Variants in MYO3A observed in about 807,000 individuals in gnomAD.
MYO3A encodes myosin-IIIa.
Under a neutral mutation model 192.7 loss-of-function variants are expected in MYO3A, and 180 were observed. The ratio of observed to expected loss-of-function variants is 0.93; its 90% CI spans 0.83 to 1.06. The LOEUF is 1.06. Among genes scored for constraint, MYO3A ranks in the 50% least tolerant of loss-of-function variants. The pLI, the probability that MYO3A is intolerant of heterozygous loss-of-function variation, is 0.00. For synonymous variants in MYO3A, 628 were observed against 645.3 expected (o/e 0.97, Z 0.41); for missense variants, 1,896 against 1,905.0 (o/e 1.00, Z 0.09).
Position 26,203,029 on chromosome 10 carries a change from C to CA in MYO3A, c.4655dup (p.Glu1553GlyfsTer3). 6.2e-7 allele frequency: 1 copy of CA among 1,613,620 alleles called. No homozygotes were observed. On this transcript the variant is annotated frameshift_variant, in exon 34 of 35. Transcript: ENST00000642920. LOFTEE classifies it high-confidence loss of function. ...GAATTTTTGCCCAGTCGTTCTGGAC[C>CA]AAAGGAACATAGCCCTAGTTTAAGA... is the stretch of plus-strand genomic sequence containing the variant.
intron 9 of MYO3A, among the ~76,000 whole-genome samples, chr10:26,024,716 T>C (rs1317628817): frequency 1.3e-5 from 2 of 152,210 alleles, no homozygotes; most frequent in African/African-American, 4.8e-5. Context: ...ATTTCTCCTT[T>C]GCTTATGGAG....
chr10:26,153,917 C>A lies in MYO3A; in HGVS notation c.2703C>A (p.Ile901=), dbSNP rs201429267. The change falls in exon 24 of 35, where the codon ATC becomes ATA. Residue 901 remains isoleucine, a synonymous_variant. Coordinates refer to ENST00000642920, the MANE Select transcript of MYO3A (RefSeq NM_017433.5). The part of the protein sequence containing the change: ...NYQMRTSEKL[I]NLAKGDTGEA... ...AAATGAGGACTTCAGAAAAATTAAT[C>A]AACCTGGCAAAGGTAAGAAAATGCT... The A allele has an allele frequency of 4.3e-5, 68 of 1,590,894 alleles. No individual in the cohort carries two copies. The highest frequency in any genetic ancestry group is 5.7e-5 in the Non-Finnish European group (66 of 1,159,350).
chr10:25,966,862 C>T (rs561431231), intron 4 of MYO3A, among the ~76,000 whole-genome samples: 42 of 152,166 alleles, frequency 2.8e-4, no homozygotes, highest in South Asian at 6.2e-4. Context: ...CCATAAACAA[C>T]GAGAAAGCTA....
intron 10 of MYO3A, among the ~76,000 whole-genome samples, chr10:26,030,382 G>A (rs1489145976): frequency 6.6e-6 from 1 of 152,058 alleles, no homozygotes; most frequent in African/African-American, 2.4e-5. Flanking sequence ...TTTGGAAGAG[G>A]TGGGAGTTGA....
At chr10:26,101,646 T>A (rs1837462281) in intron 17 of MYO3A, among the ~76,000 whole-genome samples, 1 of 152,206 alleles carries the variant, frequency 6.6e-6, no homozygotes. Flanking sequence ...TCTTTCTCCT[T>A]CACTTATGAA....
intron 6 of MYO3A, among the ~76,000 whole-genome samples, chr10:25,998,543 T>C (rs903193068): frequency 1.3e-5 from 2 of 152,066 alleles, no homozygotes; most frequent in Admixed American, 6.5e-5. Context: ...AGTGTACTAA[T>C]AAGGGCTTCT....
chr10:26,159,076 C>T (rs535510012), intron 26 of MYO3A, among the ~76,000 whole-genome samples: 47 of 147,788 alleles, frequency 3.2e-4, no homozygotes, highest in African/African-American at 1.2e-3. Context: ...GGCCGGATCT[C>T]GGCTCCTGGG....
At chr10:26,113,282 G>A (rs542855635) in intron 17 of MYO3A, among the ~76,000 whole-genome samples, 1 of 151,970 alleles carries the variant, frequency 6.6e-6, no homozygotes, top group Non-Finnish European at 1.5e-5. Context: ...ACCGGCCTGG[G>A]CAAACAGTGA....
chr10:26,151,346 T>C (rs182549099), intron 23 of MYO3A, among the ~76,000 whole-genome samples: 47 of 152,264 alleles, frequency 3.1e-4, no homozygotes, highest in African/African-American at 1.0e-3. Flanking sequence ...TCTTAAGCTA[T>C]ATTATTAGGT....
intron 6 of MYO3A, among the ~76,000 whole-genome samples, chr10:26,010,072 C>A (rs925349533): frequency 9.2e-5 from 14 of 152,122 alleles, no homozygotes; most frequent in African/African-American, 3.4e-4. Context: ...GTGCATAGTT[C>A]ATATGTCCAA....
chr10:25,945,238 GCA>G (rs549951632), intron 2 of MYO3A, among the ~76,000 whole-genome samples: 75 of 149,540 alleles, frequency 5.0e-4, no homozygotes, highest in African/African-American at 1.8e-3. Context: ...ATTTAGCATA[GCA>G]TGTTTTCAGT....
In MYO3A at chr10:26,021,475, A is replaced by G. The variant is rs41314631; in HGVS notation, c.586-28A>G. 0.082 allele frequency: 132,306 copies of G among 1,609,830 alleles called. 6,115 individuals are homozygous for G. Among genetic ancestry groups the G allele is most frequent in the Non-Finnish European group, 0.094 (111,125 of 1,176,084 alleles). ...CATGCTTGTTAAAGTCACAAATTTC[A>G]CCTTTTGATGGTGTGGTTTTCTACT... On this transcript the variant is annotated intron_variant, in intron 7 of 34. Coordinates refer to ENST00000642920, the MANE Select transcript of MYO3A (RefSeq NM_017433.5).
chr10:26,106,411 T>A (rs1025451829), intron 17 of MYO3A, among the ~76,000 whole-genome samples: 3 of 152,110 alleles, frequency 2.0e-5, no homozygotes, highest in African/African-American at 4.8e-5. Flanking sequence ...GAAATGAATT[T>A]TCCAATGGCA....
Position 26,174,007 on chromosome 10 carries a change from G to A in MYO3A, c.3743G>A (p.Arg1248Lys). The A allele has an allele frequency of 1.2e-6, 2 of 1,611,178 alleles. No individual in the cohort carries two copies. The highest frequency in any genetic ancestry group is 1.7e-5 in the Admixed American group (1 of 59,344). ...TACTATCAGAGGTACACAGAGGAGA[G>A]GAATTGTGAAGAGTCAAAAGCAGCA... is the stretch of plus-strand genomic sequence containing the variant. Reference protein sequence around the residue: ...QSYYQRYTEERNCEESKAAYL... With the variant: ...QSYYQRYTEEKNCEESKAAYL... The change falls in exon 30 of 35, where the codon AGG (arginine) becomes AAG (lysine). Residue 1248 changes from arginine to lysine, a missense_variant. Transcript: ENST00000642920.
At chr10:26,025,057 A>G (rs1842479188) in intron 9 of MYO3A, among the ~76,000 whole-genome samples, 1 of 152,218 alleles carries the variant, frequency 6.6e-6, no homozygotes, top group Non-Finnish European at 1.5e-5. Flanking sequence ...TTGCGTGAAT[A>G]AAATAATTTC....
intron 4 of MYO3A, among the ~76,000 whole-genome samples, chr10:25,987,431 A>G (rs140632798): frequency 1.3e-3 from 200 of 152,378 alleles, no homozygotes; most frequent in African/African-American, 4.7e-3. Context: ...GACAATCCAC[A>G]GAGTGAGAGA....
intron 10 of MYO3A, among the ~76,000 whole-genome samples, chr10:26,040,775 A>G (rs1843301298): frequency 6.6e-6 from 1 of 152,096 alleles, no homozygotes; most frequent in Non-Finnish European, 1.5e-5. Context: ...TATTATTTCC[A>G]TTTAAAAAAT....
In MYO3A at chr10:26,165,756, G is replaced by A. The variant is rs76385388; in HGVS notation, c.3000-311G>A. 1.6e-3 allele frequency: 647 copies of A among 401,176 alleles called. 3 individuals are homozygous for A. Among genetic ancestry groups the A allele is most frequent in the African/African-American group, 0.012 (577 of 49,672 alleles). 24.9% of individuals were successfully genotyped at this position (401,176 alleles called of 1,614,324 possible). On this transcript the variant is annotated intron_variant, in intron 26 of 34. Transcript: ENST00000642920. ...TTTTTAGTGTCCAGAGAAAGGTAGC[G>A]AAAAAACAAAAACAAAACTGCTAAT...
chr10:26,113,681 A>G (rs1370077183), intron 17 of MYO3A, among the ~76,000 whole-genome samples: 1 of 152,138 alleles, frequency 6.6e-6, no homozygotes, highest in East Asian at 1.9e-4. Context: ...GCAGCCAAGG[A>G]GGTAGTTGGT....
Sources: gnomAD v4.1 joint callset for allele counts (sites outside exome capture counted in the v4.1 genomes callset) on GRCh38, gnomAD v4.1.1 for gene constraint, MANE v1.5 for transcripts, NCBI Gene and HGNC (gene_info 2026-07-23, HGNC 2026-07-21) for gene names.